FOXRED1: variants seen among roughly 807,000 people sequenced by gnomAD.
The protein encoded by FOXRED1 is FAD-dependent oxidoreductase domain-containing protein 1.
A neutral mutation model predicts 57.8 loss-of-function variants in FOXRED1; 52 were observed. The observed-to-expected ratio is 0.90, with a 90% confidence interval of 0.72 to 1.13. The LOEUF (loss-of-function observed/expected upper bound fraction) is 1.13. Ranked by LOEUF, FOXRED1 falls within the 50% of genes most tolerant of loss-of-function variation. The pLI, the probability that FOXRED1 is intolerant of heterozygous loss-of-function variation, is 0.00. For synonymous variants in FOXRED1, 271 were observed against 248.3 expected (o/e 1.09, Z -0.86); for missense variants, 589 against 625.2 (o/e 0.94, Z 0.62).
rs748517078 is a variant in FOXRED1 at position 126,275,044 on chromosome 11, A to C, written c.631+23A>C. ...ATGGTGAGGCTTGCTTGCAGAGGGG[A>C]CAGCTTTTTTCCTGAAGATGGAGAC... On this transcript the variant is annotated intron_variant, in intron 5 of 10. Transcript: ENST00000263578. This position sits in a 1 kb window ranked among gnomAD's most constrained non-coding sequence, Gnocchi z 5.9. 2 of 1,517,650 alleles carry C rather than the reference A, an allele frequency of 1.3e-6. No individual in the cohort carries two copies. The highest frequency in any genetic ancestry group is 2.3e-5 in the East Asian group (1 of 44,396). The allele number at this position is 1,517,650 out of a possible 1,614,324, so 94.0% of individuals were successfully genotyped here.
chr11:126,273,202 C>T lies in FOXRED1; in HGVS notation c.417+123C>T. 1 of 943,284 alleles carries T rather than the reference C, an allele frequency of 1.1e-6. No individual in the cohort carries two copies. Among genetic ancestry groups the T allele is most frequent in the Non-Finnish European group, 1.8e-6 (1 of 568,700 alleles). 58.4% of individuals were successfully genotyped at this position (943,284 alleles called of 1,614,324 possible). On this transcript the variant is annotated intron_variant, in intron 3 of 10. Transcript: ENST00000263578. This position sits in a 1 kb window ranked among gnomAD's most constrained non-coding sequence, Gnocchi z 5.9. ...GGGTCAGCCAACTAGGAGAGGGGGG[C>T]CCTGGCCTTCTTCCTAGTGGTGGTG...
rs1277214073 is a variant in FOXRED1, at chr11:126,275,485, T to C, written c.733+57T>C. The C allele has an allele frequency of 2.1e-5, 25 of 1,219,152 alleles. No individual in the cohort carries two copies. Among genetic ancestry groups the C allele is most frequent in the Admixed American group, 3.4e-5 (2 of 59,110 alleles). 75.5% of individuals were successfully genotyped at this position (1,219,152 alleles called of 1,614,324 possible). A position where few individuals can be genotyped will look rare whatever the true frequency, so the allele number is the denominator to read the frequency against. On this transcript the variant is annotated intron_variant, in intron 6 of 10. Coordinates refer to ENST00000263578, the MANE Select transcript of FOXRED1 (RefSeq NM_017547.4). The surrounding 1 kb of genome is among the most constrained non-coding windows in gnomAD (Gnocchi z 5.9). Reference sequence around the variant, plus strand: ...GGGCATAGGCCTAGACTAGGTCTTATCTTCTCACTCACAAGCTAAGCAAGG... The same window carrying C: ...GGGCATAGGCCTAGACTAGGTCTTACCTTCTCACTCACAAGCTAAGCAAGG...
In FOXRED1 at chr11:126,276,191, A is replaced by C. The variant is rs111338847; in HGVS notation, c.943A>C (p.Thr315Pro). The C allele has an allele frequency of 1.9e-6, 3 of 1,596,712 alleles. No homozygotes were observed. The Admixed American group carries it at 5.2e-5, about 28-fold the overall frequency. Reference sequence around the variant, plus strand: ...GGGGCCGCCTGGCACCCTGCAGGGCACCAAGCTACCTGTGGAGCCGAGGAA... The same window carrying C: ...GGGGCCGCCTGGCACCCTGCAGGGCCCCAAGCTACCTGTGGAGCCGAGGAA... ...GEGPPGTLQG[T>P]KLPVEPRKRY... Residue 315 changes from threonine to proline, a missense_variant, in exon 8 of 11, where the codon ACC (threonine) becomes CCC (proline). By Grantham distance (38) the Thr-to-Pro change is conservative. Coordinates refer to ENST00000263578, the MANE Select transcript of FOXRED1 (RefSeq NM_017547.4).
chr11:126,277,307 T>C lies in FOXRED1; in HGVS notation c.1207-128T>C. ...ATGTCACAACTGCTAAGGAATTTCT[T>C]GGACACATCCCATCCCATAGACCCC... On this transcript the variant is annotated intron_variant, in intron 10 of 10. Transcript: ENST00000263578. This position sits in a 1 kb window ranked among gnomAD's most constrained non-coding sequence, Gnocchi z 6.8. The C allele has an allele frequency of 3.1e-6, 4 of 1,311,458 alleles. No homozygotes were observed. The highest frequency in any genetic ancestry group is 4.1e-4 in the Middle Eastern group (2 of 4,826). The allele number at this position is 1,311,458 out of a possible 1,614,324, so 81.2% of individuals were successfully genotyped here. A position where few individuals can be genotyped will look rare whatever the true frequency, so the allele number is the denominator to read the frequency against.
chr11:126,276,052 T>A lies in FOXRED1; in HGVS notation c.811-7T>A. 3 of 1,612,858 alleles carry A rather than the reference T, an allele frequency of 1.9e-6. No homozygotes were observed. The African/African-American group carries it at 4.0e-5, about 22-fold the overall frequency. On this transcript the variant is annotated splice_region_variant and splice_polypyrimidine_tract_variant and intron_variant, in intron 7 of 10. Coordinates refer to ENST00000263578, the MANE Select transcript of FOXRED1 (RefSeq NM_017547.4). ...CCTTCCCACTCCTCACCCTCTGGTG[T>A]CTGCAGGTGAAGATGGACCGCAGCC... is the stretch of plus-strand genomic sequence containing the variant.
Position 126,272,965 on chromosome 11 carries a change from A to G in FOXRED1, c.307-4A>G. On this transcript the variant is annotated splice_polypyrimidine_tract_variant and splice_region_variant and intron_variant, in intron 2 of 10. Transcript: ENST00000263578. This position sits in a 1 kb window ranked among gnomAD's most constrained non-coding sequence, Gnocchi z 4.6. ...CTACCTCAACTTTTCTTGTCTTTCC[A>G]CAGTATTCACAGGCCTCCACTGGGC... The G allele has an allele frequency of 6.8e-7, 1 of 1,465,158 alleles. No individual in the cohort carries two copies. The highest frequency in any genetic ancestry group is 1.1e-5 in the South Asian group (1 of 88,188). The allele number at this position is 1,465,158 out of a possible 1,614,324, so 90.8% of individuals were successfully genotyped here.
chr11:126,276,088 G>T lies in FOXRED1; in HGVS notation c.840G>T (p.Gln280His). Reference protein sequence around the residue: ...HVKMDRSLEYQPVECAIVINA... With the variant: ...HVKMDRSLEYHPVECAIVINA... Reference sequence around the variant, plus strand: ...AGATGGACCGCAGCCTGGAGTACCAGCCTGTGGAATGCGCCATTGTGATCA... The same window carrying T: ...AGATGGACCGCAGCCTGGAGTACCATCCTGTGGAATGCGCCATTGTGATCA... Residue 280 changes from glutamine (Q) to histidine (H), a missense_variant, in exon 8 of 11, where the codon CAG becomes CAT. Coordinates refer to ENST00000263578, the MANE Select transcript of FOXRED1 (RefSeq NM_017547.4). The T allele has an allele frequency of 1.2e-6, 2 of 1,612,860 alleles. No homozygotes were observed. The highest frequency in any genetic ancestry group is 2.2e-5 in the East Asian group (1 of 44,800).
In FOXRED1 at chr11:126,275,474, ACTAGGTCTTAT is replaced by A. The variant is rs752119165; in HGVS notation, c.733+49_733+59del. The A allele has an allele frequency of 8.5e-6, 11 of 1,299,362 alleles. No individual in the cohort carries two copies. The highest frequency in any genetic ancestry group is 1.0e-5 in the Non-Finnish European group (9 of 892,726). The allele number at this position is 1,299,362 out of a possible 1,614,324, so 80.5% of individuals were successfully genotyped here. ...TCTAGCAACCGGGGCATAGGCCTAG[ACTAGGTCTTAT>A]CTTCTCACTCACAAGCTAAGCAAGG... On this transcript the variant is annotated intron_variant, in intron 6 of 10. Coordinates refer to ENST00000263578, the MANE Select transcript of FOXRED1 (RefSeq NM_017547.4). This position sits in a 1 kb window ranked among gnomAD's most constrained non-coding sequence, Gnocchi z 5.9.
chr11:126,275,909 G>A lies in FOXRED1; in HGVS notation c.810+39G>A, dbSNP rs760773043. 1 of 1,546,732 alleles carries A rather than the reference G, an allele frequency of 6.5e-7. No individual in the cohort carries two copies. Among genetic ancestry groups the A allele is most frequent in the South Asian group, 1.1e-5 (1 of 89,690 alleles). On this transcript the variant is annotated intron_variant, in intron 7 of 10. Transcript: ENST00000263578. The surrounding 1 kb of genome is among the most constrained non-coding windows in gnomAD (Gnocchi z 5.9). The stretch of plus-strand genomic sequence containing the variant: ...CTGTGATGTCCTTTACCAAAATGGA[G>A]GGACAGGGAAGGTAGTGACTCTCCT...
At position 126,274,912 on chromosome 11, in the gene FOXRED1, A is replaced by C. The variant is rs1435986905; in HGVS notation, c.537-15A>C. ...CTCTCTGACACACATACACCGACCC[A>C]CACGTTTATCTCAGGCAGGAGGGAG... On this transcript the variant is annotated splice_polypyrimidine_tract_variant and intron_variant, in intron 4 of 10. Transcript: ENST00000263578. This position sits in a 1 kb window ranked among gnomAD's most constrained non-coding sequence, Gnocchi z 4.8. The C allele has an allele frequency of 3.3e-6, 5 of 1,521,950 alleles. No homozygotes were observed. The highest frequency in any genetic ancestry group is 4.6e-6 in the Non-Finnish European group (5 of 1,096,102). The allele number at this position is 1,521,950 out of a possible 1,614,324, so 94.3% of individuals were successfully genotyped here.
rs1951027671 is a variant in FOXRED1 at position 126,272,916 on chromosome 11, A to G, written c.307-53A>G. On this transcript the variant is annotated intron_variant, in intron 2 of 10. Coordinates refer to ENST00000263578, the MANE Select transcript of FOXRED1 (RefSeq NM_017547.4). This position sits in a 1 kb window ranked among gnomAD's most constrained non-coding sequence, Gnocchi z 4.6. The stretch of plus-strand genomic sequence containing the variant: ...CTCGAAGCTTTCATTGCAGTATTCT[A>G]GTCACATGTGATAGGGTACTGGTCT... 5 of 873,498 alleles carry G rather than the reference A, an allele frequency of 5.7e-6. No homozygotes were observed. The highest frequency in any genetic ancestry group is 6.0e-6 in the Non-Finnish European group (3 of 503,092). 54.1% of individuals were successfully genotyped at this position (873,498 alleles called of 1,614,324 possible). A position where few individuals can be genotyped will look rare whatever the true frequency, so the allele number is the denominator to read the frequency against.
rs775507828 is a variant in FOXRED1, at chr11:126,273,276, G to A, written c.418-60G>A. The A allele has an allele frequency of 7.5e-7, 1 of 1,339,682 alleles. No homozygotes were observed. The highest frequency in any genetic ancestry group is 2.3e-5 in the East Asian group (1 of 43,574). 83.0% of individuals were successfully genotyped at this position (1,339,682 alleles called of 1,614,324 possible). The stretch of plus-strand genomic sequence containing the variant: ...TGGGGAGCTGTGGGGGAAGAAGGCA[G>A]GAAAACTCTTTCTGGCATCCTTAAG... On this transcript the variant is annotated intron_variant, in intron 3 of 10. Transcript: ENST00000263578. This position sits in a 1 kb window ranked among gnomAD's most constrained non-coding sequence, Gnocchi z 5.9.
intron 1 of FOXRED1, among the ~76,000 whole-genome samples, chr11:126,270,057 C>T (rs548147659): frequency 6.7e-6 from 1 of 148,238 alleles, no homozygotes; most frequent in East Asian, 2.0e-4. Flanking sequence ...GCTAGTATAA[C>T]GGTAGAAGTA....
Position 126,275,630 on chromosome 11 carries a change from C to G in FOXRED1, c.734-164C>G. The G allele has an allele frequency of 1.4e-6, 1 of 720,650 alleles. No homozygotes were observed. 44.6% of individuals were successfully genotyped at this position (720,650 alleles called of 1,614,324 possible). A position where few individuals can be genotyped will look rare whatever the true frequency, so the allele number is the denominator to read the frequency against. Reference sequence around the variant, plus strand: ...TGATTGCACCTGAGCACTGTCCTGTCAGAGTGTGGCCAAGCTCATGCCAGC... The same window carrying G: ...TGATTGCACCTGAGCACTGTCCTGTGAGAGTGTGGCCAAGCTCATGCCAGC... On this transcript the variant is annotated intron_variant, in intron 6 of 10. Coordinates refer to ENST00000263578, the MANE Select transcript of FOXRED1 (RefSeq NM_017547.4). The surrounding 1 kb of genome is among the most constrained non-coding windows in gnomAD (Gnocchi z 5.9).
chr11:126,271,436 G>C lies in FOXRED1; in HGVS notation c.86-1G>C. The C allele has an allele frequency of 6.2e-7, 1 of 1,607,962 alleles. No homozygotes were observed. Among genetic ancestry groups the C allele is most frequent in the Non-Finnish European group, 8.5e-7 (1 of 1,174,338 alleles). ...CCTCTGACCCTAACTACATCCCACA[G>C]ACTGGGATGGAAAGGTGTCTGAGAT... On this transcript the variant is annotated splice_acceptor_variant, in intron 1 of 10. Coordinates refer to ENST00000263578, the MANE Select transcript of FOXRED1 (RefSeq NM_017547.4). LOFTEE classifies it high-confidence loss of function. This position sits in a 1 kb window ranked among gnomAD's most constrained non-coding sequence, Gnocchi z 5.3.
In FOXRED1 at chr11:126,272,964, C is replaced by T. The variant is rs1287467841; in HGVS notation, c.307-5C>T. ...TCTACCTCAACTTTTCTTGTCTTTC[C>T]ACAGTATTCACAGGCCTCCACTGGG... On this transcript the variant is annotated splice_polypyrimidine_tract_variant and splice_region_variant and intron_variant, in intron 2 of 10. Coordinates refer to ENST00000263578, the MANE Select transcript of FOXRED1 (RefSeq NM_017547.4). The surrounding 1 kb of genome is among the most constrained non-coding windows in gnomAD (Gnocchi z 4.6). 6.9e-7 allele frequency: 1 copy of T among 1,458,734 alleles called. No individual in the cohort carries two copies. The highest frequency in any genetic ancestry group is 9.6e-7 in the Non-Finnish European group (1 of 1,037,976). 90.4% of individuals were successfully genotyped at this position (1,458,734 alleles called of 1,614,324 possible). A position where few individuals can be genotyped will look rare whatever the true frequency, so the allele number is the denominator to read the frequency against.
intron 9 of FOXRED1, 78 bp downstream of exon 9, chr11:126,276,601 C>T: frequency 6.7e-7 from 1 of 1,494,390 alleles, no homozygotes; most frequent in Non-Finnish European, 9.2e-7. Context: ...TTTGGCCAGG[C>T]ACAGTAGCTC....
chr11:126,273,895 T>G lies in FOXRED1; in HGVS notation c.536+441T>G. ...AAGCAGCCATAGACAAAAGTGCAAA[T>G]GAAGGAGTGTGGCTCATTTATGAAA... On this transcript the variant is annotated intron_variant, in intron 4 of 10. Transcript: ENST00000263578. This position sits in a 1 kb window ranked among gnomAD's most constrained non-coding sequence, Gnocchi z 5.9. The G allele has an allele frequency of 4.7e-6, 1 of 214,100 alleles. No individual in the cohort carries two copies. Among genetic ancestry groups the G allele is most frequent in the South Asian group, 7.0e-5 (1 of 14,248 alleles). The allele number at this position is 214,100 out of a possible 1,614,324, so 13.3% of individuals were successfully genotyped here.
chr11:126,271,239 A>AAAGG lies in FOXRED1; in HGVS notation c.86-198_86-197insAAGG, dbSNP rs56266376. ...TTGCAGTGCTTGGCACAATGCATGAAGAGACTGATGGCATGTGGACTATTC... is the reference window on the plus strand; with the variant it reads ...TTGCAGTGCTTGGCACAATGCATGAAAAGGGAGACTGATGGCATGTGGACTATTC... On this transcript the variant is annotated intron_variant, in intron 1 of 10. Transcript: ENST00000263578. The surrounding 1 kb of genome is among the most constrained non-coding windows in gnomAD (Gnocchi z 5.3). 0.82 allele frequency: 507,723 copies of AAAGG among 618,432 alleles called. 210,343 individuals are homozygous for AAAGG. The highest frequency in any genetic ancestry group is 1 in the East Asian group (35,145 of 35,162). The allele number at this position is 618,432 out of a possible 1,614,324, so 38.3% of individuals were successfully genotyped here.
Sources: gnomAD v4.1 joint callset for allele counts (sites outside exome capture counted in the v4.1 genomes callset) on GRCh38, gnomAD v4.1.1 for gene constraint, Gnocchi (gnomAD v3.1) non-coding constraint, MANE v1.5 for transcripts, NCBI Gene and HGNC (gene_info 2026-07-23, HGNC 2026-07-21) for gene names.